Variants in ARID1B observed in about 807,000 individuals in gnomAD.
The protein encoded by ARID1B is AT-rich interactive domain-containing protein 1B.
Under a neutral mutation model 212.3 loss-of-function variants are expected in ARID1B, and 30 were observed. The observed-to-expected ratio is 0.14, with a 90% CI of 0.11 to 0.19. ARID1B has a LOEUF of 0.19. Among genes scored for constraint, ARID1B ranks in the 10% least tolerant of loss-of-function variants. The pLI is 1.00. For missense variants in ARID1B, 2,891 were observed against 3,204.0 expected (o/e 0.90, Z 2.36); for synonymous variants, 1,402 against 1,301.7 (o/e 1.08, Z -1.66).
intron 4 of ARID1B, among the ~76,000 whole-genome samples, chr6:156,951,279 A>G (rs1793564918): frequency 6.6e-6 from 1 of 152,228 alleles, no homozygotes; most frequent in Admixed American, 6.5e-5. Flanking sequence ...CAAGCGGATT[A>G]CAAATTCTTA....
intron 9 of ARID1B, chr6:157,172,933 G>T: frequency 6.6e-6 from 1 of 151,976 alleles, no homozygotes. Flanking sequence ...AAATAGGCCT[G>T]GTTTCTGGTT....
At chr6:156,958,605 A>G (rs569063426) in intron 4 of ARID1B, among the ~76,000 whole-genome samples, 1 of 152,334 alleles carries the variant, frequency 6.6e-6, no homozygotes, top group African/African-American at 2.4e-5. Context: ...GCATTTACCC[A>G]TCTTGTTGAA....
chr6:156,815,959 G>A (rs1304652393), intron 1 of ARID1B, among the ~76,000 whole-genome samples: 1 of 152,166 alleles, frequency 6.6e-6, no homozygotes, highest in Non-Finnish European at 1.5e-5. Context: ...ACCAAGTTAA[G>A]TAAGTTTTTT....
chr6:157,137,651 TGTGA>T (rs1157608436), intron 7 of ARID1B, among the ~76,000 whole-genome samples: 3 of 152,236 alleles, frequency 2.0e-5, no homozygotes, highest in Admixed American at 6.5e-5. Flanking sequence ...TTAGTTTTGC[TGTGA>T]GTAAGTAGAG....
At chr6:156,895,264 G>A in intron 2 of ARID1B, among the ~76,000 whole-genome samples, 1 of 152,228 alleles carries the variant, frequency 6.6e-6, no homozygotes, top group East Asian at 1.9e-4. Context: ...TTAGGGAAAT[G>A]CTGGCATAAA....
rs200936434 is a variant in ARID1B, at chr6:157,057,082, C to T, written c.2248-27580C>T. Among the ~76,000 whole-genome samples, 51 of 151,842 alleles carry T rather than the reference C, an allele frequency of 3.4e-4. No homozygotes were observed. In the East Asian group the frequency reaches 9.3e-3, roughly 28 times the overall value. On this transcript the variant is annotated intron_variant, in intron 4 of 19. Transcript: ENST00000636930. ...CAGTGGCGTGGCTCACTGAAAGCTC[C>T]GCCTCCTGGGTTCACGCCATTCTCC...
chr6:157,059,238 C>T (rs1442271269), intron 4 of ARID1B, among the ~76,000 whole-genome samples: 1 of 152,092 alleles, frequency 6.6e-6, no homozygotes, highest in African/African-American at 2.4e-5. Flanking sequence ...GAAAGTTTTA[C>T]ATTATCATGT....
intron 4 of ARID1B, among the ~76,000 whole-genome samples, chr6:157,054,967 T>C (rs142485907): frequency 2.0e-5 from 3 of 152,288 alleles, no homozygotes; most frequent in African/African-American, 7.2e-5. Flanking sequence ...CATTTTCCAT[T>C]CAGTTTAGAA....
At chr6:157,077,408 C>T (rs574874003) in intron 4 of ARID1B, among the ~76,000 whole-genome samples, 4 of 152,296 alleles carry the variant, frequency 2.6e-5, no homozygotes, top group Non-Finnish European at 4.4e-5. Flanking sequence ...GGCATAAGCA[C>T]GTGAGGCCAT....
intron 2 of ARID1B, among the ~76,000 whole-genome samples, chr6:156,852,214 G>A (rs1311414486): frequency 6.6e-6 from 1 of 152,116 alleles, no homozygotes; most frequent in Non-Finnish European, 1.5e-5. Context: ...CTGGGAGGCC[G>A]AGGTGGGAGG....
chr6:157,015,101 G>C (rs6928411), intron 4 of ARID1B, among the ~76,000 whole-genome samples: 1 of 151,974 alleles, frequency 6.6e-6, no homozygotes, highest in African/African-American at 2.4e-5. Context: ...CCTGCACGTC[G>C]TAGCTACTGA....
At chr6:156,960,977 TTTAA>T (rs1794333480) in intron 4 of ARID1B, among the ~76,000 whole-genome samples, 6 of 152,204 alleles carry the variant, frequency 3.9e-5, no homozygotes, top group Admixed American at 3.9e-4. Context: ...TTTCTACCTT[TTTAA>T]AAAGGAAAAA....
chr6:157,198,807 C>A lies in ARID1B; in HGVS notation c.4383-4C>A. On this transcript the variant is annotated splice_polypyrimidine_tract_variant and splice_region_variant and intron_variant, in intron 16 of 19. Transcript: ENST00000636930. Reference sequence around the variant, plus strand: ...TTAAGTTTTCTTTGAATGCCTCATTCCAGGCATGAACCTTATGGGCAGCAG... The same window carrying A: ...TTAAGTTTTCTTTGAATGCCTCATTACAGGCATGAACCTTATGGGCAGCAG... 6.2e-7 allele frequency: 1 copy of A among 1,607,470 alleles called. No individual in the cohort carries two copies. The highest frequency in any genetic ancestry group is 1.1e-5 in the South Asian group (1 of 89,954).
intron 1 of ARID1B, among the ~76,000 whole-genome samples, chr6:156,816,256 C>T (rs1221051315): frequency 2.0e-5 from 3 of 152,160 alleles, no homozygotes; most frequent in Non-Finnish European, 4.4e-5. Flanking sequence ...TGTTATAAGT[C>T]AGACAGCATA....
Position 157,022,815 on chromosome 6 carries a change from TTTAA to T in ARID1B, c.2248-61844_2248-61841del, listed in dbSNP as rs138254379. On this transcript the variant is annotated intron_variant, in intron 4 of 19. Transcript: ENST00000636930. ...CAACTTAATTTTGGAATTCTGCAAA[TTTAA>T]TTGATGATCCATTATAACAACGTAG... 1.3e-4 allele frequency: 20 copies of T among 152,346 alleles called. No homozygotes were observed. In the East Asian group the frequency reaches 3.9e-3, roughly 29 times the overall value. 9.4% of individuals were successfully genotyped at this position (152,346 alleles called of 1,614,324 possible). A position where few individuals can be genotyped will look rare whatever the true frequency, so the allele number is the denominator to read the frequency against.
At chr6:156,983,593 A>G (rs138330202) in intron 4 of ARID1B, among the ~76,000 whole-genome samples, 4 of 152,124 alleles carry the variant, frequency 2.6e-5, no homozygotes, top group Non-Finnish European at 2.9e-5. Flanking sequence ...TTCTGCTTGG[A>G]GGACATGGTG....
Position 156,778,897 on chromosome 6 carries a change from GAGGAGGAGGAGGAGGAGCAGGAGC to G in ARID1B, c.1226_1249del (p.Gly409_Gly416del). On this transcript the variant is annotated inframe_deletion, in exon 1 of 20. Coordinates refer to ENST00000636930, the MANE Select transcript of ARID1B (RefSeq NM_001374828.1). ...GGAGGAGGAGGAGGCAGCGGAGGAG[GAGGAGGAGGAGGAGGAGCAGGAGC>G]AGGAGGAGCAGGAGCGGGAGCTGTG... is the stretch of plus-strand genomic sequence containing the variant. The G allele has an allele frequency of 7.3e-7, 1 of 1,368,294 alleles. No individual in the cohort carries two copies. The highest frequency in any genetic ancestry group is 9.4e-7 in the Non-Finnish European group (1 of 1,062,256). 84.8% of individuals were successfully genotyped at this position (1,368,294 alleles called of 1,614,324 possible).
intron 8 of ARID1B, chr6:157,166,220 T>C (rs187416565): frequency 6.6e-6 from 1 of 152,356 alleles, no homozygotes; most frequent in African/African-American, 2.4e-5. Flanking sequence ...AGTCAGAGAA[T>C]TGACATTGTG....
At chr6:157,135,356 T>C (rs1788838594) in intron 7 of ARID1B, among the ~76,000 whole-genome samples, 1 of 152,242 alleles carries the variant, frequency 6.6e-6, no homozygotes, top group Non-Finnish European at 1.5e-5. Context: ...ACTGGGTTCC[T>C]GCATCACAGT....
Sources: gnomAD v4.1 joint callset for allele counts (sites outside exome capture counted in the v4.1 genomes callset) on GRCh38, gnomAD v4.1.1 for gene constraint, MANE v1.5 for transcripts, NCBI Gene and HGNC (gene_info 2026-07-23, HGNC 2026-07-21) for gene names.